The following ANO3 variants were observed in gnomAD, a reference collection of about 807,000 sequenced individuals.
The protein encoded by ANO3 is anoctamin-3.
In ANO3, 99 loss-of-function variants were observed where a neutral mutation model predicts 144.8. That is an observed-to-expected ratio of 0.68 (90% confidence interval 0.58 to 0.81). The LOEUF is 0.81. ANO3 is among the 30% of genes least tolerant of loss of function. ANO3 has a pLI of 0.00. For synonymous variants in ANO3, 414 were observed against 392.6 expected (o/e 1.05, Z -0.64); for missense variants, 905 against 1,202.2 (o/e 0.75, Z 3.66).
intron 14 of ANO3, chr11:26,565,029 C>T: frequency 1.2e-6 from 1 of 817,366 alleles, no homozygotes; most frequent in Non-Finnish European, 1.8e-6. Flanking sequence ...AATGATCATC[C>T]CTCAAAAGTG....
intron 4 of ANO3, among the ~76,000 whole-genome samples, chr11:26,475,387 T>C (rs570857802): frequency 3.1e-4 from 47 of 152,036 alleles, no homozygotes; most frequent in Non-Finnish European, 4.7e-4. Flanking sequence ...TTTGTAACTC[T>C]ATGATGGTAC....
At chr11:26,597,478 C>T (rs1423727867) in intron 14 of ANO3, among the ~76,000 whole-genome samples, 1 of 152,154 alleles carries the variant, frequency 6.6e-6, no homozygotes, top group Non-Finnish European at 1.5e-5. Flanking sequence ...ATCAGGAGCA[C>T]AGTGGACACC....
rs10635488 is a variant in ANO3, at chr11:26,315,659, G to GTCTATCTATCTATCTA, written c.-3+5951_-3+5966dup. ...CAAATCTGGACCTATCTATCTGTCT[G>GTCTATCTATCTATCTA]TCTATCTATCTATCTATCTATCTAT... On this transcript the variant is annotated intron_variant, in intron 1 of 26. Coordinates refer to the ANO3 transcript ENST00000525139. Among the ~76,000 whole-genome samples, 10 of 146,054 alleles carry GTCTATCTATCTATCTA rather than the reference G, an allele frequency of 6.8e-5. No homozygotes were observed. In the South Asian group the frequency reaches 8.6e-4, roughly 13 times the overall value.
intron 1 of ANO3, among the ~76,000 whole-genome samples, chr11:26,288,666 A>T (rs1349442320): frequency 1.3e-5 from 2 of 152,100 alleles, no homozygotes; most frequent in Non-Finnish European, 2.9e-5. Context: ...GAAAGAAAAC[A>T]CCTAAGCAAA....
intron 4 of ANO3, among the ~76,000 whole-genome samples, chr11:26,480,896 A>G (rs999429011): frequency 3.9e-5 from 6 of 152,182 alleles, no homozygotes; most frequent in African/African-American, 1.4e-4. Flanking sequence ...GAGTTAGAAC[A>G]CATGAATTTG....
chr11:26,415,075 T>TGTGC (rs1376083646), intron 1 of ANO3, among the ~76,000 whole-genome samples: 1 of 151,552 alleles, frequency 6.6e-6, no homozygotes, highest in Non-Finnish European at 1.5e-5. Flanking sequence ...TGTGTGTGTG[T>TGTGC]GTGTGTGTGT....
chr11:26,431,369 C>T (rs1184626201), intron 1 of ANO3, among the ~76,000 whole-genome samples: 1 of 152,130 alleles, frequency 6.6e-6, no homozygotes, highest in East Asian at 1.9e-4. Flanking sequence ...GGTATGGCCC[C>T]CATAACTCAG....
intron 1 of ANO3, among the ~76,000 whole-genome samples, chr11:26,301,250 A>G (rs1232714963): frequency 6.6e-6 from 1 of 152,136 alleles, no homozygotes; most frequent in African/African-American, 2.4e-5. Context: ...TCTAATTTCA[A>G]TTTGGAATTT....
At chr11:26,351,933 C>T (rs1408842117) in intron 1 of ANO3, among the ~76,000 whole-genome samples, 1 of 152,204 alleles carries the variant, frequency 6.6e-6, no homozygotes, top group Non-Finnish European at 1.5e-5. Flanking sequence ...GACTGTTTGG[C>T]ATCCTTTCAT....
chr11:26,436,869 G>T (rs572692999), intron 1 of ANO3, among the ~76,000 whole-genome samples: 1 of 152,262 alleles, frequency 6.6e-6, no homozygotes, highest in South Asian at 2.1e-4. Context: ...ATAGACCTCA[G>T]TTAGGAGATT....
chr11:26,234,087 T>C (rs1852462674), intron 1 of ANO3, among the ~76,000 whole-genome samples: 1 of 152,190 alleles, frequency 6.6e-6, no homozygotes, highest in African/African-American at 2.4e-5. Context: ...GTTCTGCACA[T>C]GTATCCCAGA....
At chr11:26,233,909 A>G (rs1425124951) in intron 1 of ANO3, among the ~76,000 whole-genome samples, 2 of 152,112 alleles carry the variant, frequency 1.3e-5, no homozygotes, top group African/African-American at 4.8e-5. Flanking sequence ...ACATGGACAC[A>G]GGGAGGGGAA....
At chr11:26,469,936 AGG>A (rs536488407) in intron 4 of ANO3, among the ~76,000 whole-genome samples, 47 of 152,070 alleles carry the variant, frequency 3.1e-4, no homozygotes, top group African/African-American at 1.1e-3. Flanking sequence ...TATCAGTATT[AGG>A]TTTTGTTGTA....
chr11:26,290,485 C>A (rs423422), intron 1 of ANO3, among the ~76,000 whole-genome samples: 5 of 152,264 alleles, frequency 3.3e-5, no homozygotes, highest in African/African-American at 9.6e-5. Context: ...TTCTCTAGTT[C>A]TTTTAATTGT....
chr11:26,640,486 T>G (rs373195664), intron 21 of ANO3, among the ~76,000 whole-genome samples: 2 of 152,178 alleles, frequency 1.3e-5, no homozygotes, highest in East Asian at 1.9e-4. Flanking sequence ...TTAGGAAACA[T>G]TGTTTGAAAG....
intron 1 of ANO3, among the ~76,000 whole-genome samples, chr11:26,407,070 G>GTATATATATATA (rs202060948): frequency 0.022 from 2,176 of 100,962 alleles, 41 homozygotes; most frequent in Non-Finnish European, 0.035. Flanking sequence ...GTGTGTGTGT[G>GTATATATATATA]TGTGTGTATA....
intron 1 of ANO3, among the ~76,000 whole-genome samples, chr11:26,235,275 A>G (rs555769319): frequency 6.6e-6 from 1 of 152,356 alleles, no homozygotes; most frequent in South Asian, 2.1e-4. Context: ...CCCATATACA[A>G]GACTGCATAT....
In ANO3 at chr11:26,449,472, G is replaced by GTCTC. The variant is rs144315408; in HGVS notation, c.313+5649_313+5652dup. Reference sequence around the variant, plus strand: ...ATTCCCTCTCTCTCTCTGTCTGTCTGTCTCTCTCTCTCTCTCACACACACA... The same window carrying GTCTC: ...ATTCCCTCTCTCTCTCTGTCTGTCTGTCTCTCTCTCTCTCTCTCTCACACACACA... On this transcript the variant is annotated intron_variant, in intron 3 of 26. Coordinates refer to ENST00000256737, the MANE Select transcript of ANO3 (RefSeq NM_031418.4). Among the ~76,000 whole-genome samples the GTCTC allele has an allele frequency of 7.7e-3, 1,088 of 140,490 alleles. 13 individuals are homozygous for GTCTC. Among genetic ancestry groups the GTCTC allele is most frequent in the Middle Eastern group, 0.036 (10 of 280 alleles). 92.2% of individuals were successfully genotyped at this position (140,490 alleles called of 152,430 possible).
At chr11:26,545,245 C>G (rs1224453600) in intron 11 of ANO3, among the ~76,000 whole-genome samples, 1 of 151,962 alleles carries the variant, frequency 6.6e-6, no homozygotes, top group African/African-American at 2.4e-5. Flanking sequence ...TTTCCTTATA[C>G]TCTTTGGTTA....
Sources: allele counts gnomAD v4.1 joint callset (sites outside exome capture counted in the v4.1 genomes callset), GRCh38; gene constraint gnomAD v4.1.1; transcripts MANE v1.5; gene names NCBI Gene and HGNC (gene_info 2026-07-23, HGNC 2026-07-21).